DPYD: variants seen among roughly 807,000 people sequenced by gnomAD.
DPYD encodes the protein dihydropyrimidine dehydrogenase.
A neutral mutation model predicts 116.2 loss-of-function variants in DPYD; 109 were observed. The ratio of observed to expected loss-of-function variants is 0.94; its 90% CI spans 0.80 to 1.10. DPYD has a LOEUF of 1.10. DPYD is among the 50% of genes least tolerant of loss of function. The probability of loss-of-function intolerance (pLI) is 0.00; values close to 1 mark genes in which losing one functional copy is unlikely to be tolerated. For missense variants in DPYD, 1,302 were observed against 1,254.5 expected (o/e 1.04, Z -0.57); for synonymous variants, 440 against 432.0 (o/e 1.02, Z -0.23).
intron 7 of DPYD, among the ~76,000 whole-genome samples, chr1:97,680,070 T>C (rs1660354402): frequency 6.6e-6 from 1 of 152,162 alleles, no homozygotes; most frequent in African/African-American, 2.4e-5. Context: ...GACTGAAGTC[T>C]AGTTCACAGT....
chr1:97,593,291 A>G lies in DPYD; in HGVS notation c.1055T>C (p.Leu352Pro), dbSNP rs1654650236. Residue 352 changes from leucine (L) to proline (P), a missense_variant, in exon 10 of 23, where the codon CTA (leucine) becomes CCA (proline). Coordinates refer to ENST00000370192, the MANE Select transcript of DPYD (RefSeq NM_000110.4). ...GAACACACGGCGAGCTCCACAACGT[A>G]GAGCAGATGTTGCACAGTCAAAGGC... ...DTAFDCATSA[L>P]RCGARRVFIV... 6.2e-7 allele frequency: 1 copy of G among 1,614,182 alleles called. No homozygotes were observed. The highest frequency in any genetic ancestry group is 2.2e-5 in the East Asian group (1 of 44,870).
chr1:97,724,605 C>G (rs887957358), intron 4 of DPYD, among the ~76,000 whole-genome samples: 4 of 151,358 alleles, frequency 2.6e-5, no homozygotes, highest in Non-Finnish European at 5.9e-5. Flanking sequence ...CAGGGTAGAG[C>G]TAGCATTTTG....
At chr1:97,668,809 T>C (rs191388048) in intron 8 of DPYD, among the ~76,000 whole-genome samples, 152 of 152,096 alleles carry the variant, frequency 1.0e-3, no homozygotes, top group Non-Finnish European at 1.7e-3. Flanking sequence ...AAAATATAAA[T>C]GATAAGGCTC....
intron 8 of DPYD, among the ~76,000 whole-genome samples, chr1:97,678,413 G>A (rs569290143): frequency 1.2e-4 from 19 of 152,174 alleles, no homozygotes; most frequent in African/African-American, 2.6e-4. Flanking sequence ...TTTATATGCC[G>A]TAATTGCCCA....
At chr1:97,706,648 T>C (rs1292093119) in intron 5 of DPYD, among the ~76,000 whole-genome samples, 2 of 152,114 alleles carry the variant, frequency 1.3e-5, no homozygotes, top group East Asian at 1.9e-4. Context: ...TTCTTTCATT[T>C]AGTAACATAT....
intron 14 of DPYD, among the ~76,000 whole-genome samples, chr1:97,442,456 T>C (rs1675849801): frequency 6.6e-6 from 1 of 151,396 alleles, no homozygotes; most frequent in Non-Finnish European, 1.5e-5. Context: ...CACAGAACTG[T>C]GAGCCATATT....
intron 13 of DPYD, among the ~76,000 whole-genome samples, chr1:97,467,024 C>T (rs906924438): frequency 6.6e-6 from 1 of 152,070 alleles, no homozygotes; most frequent in Non-Finnish European, 1.5e-5. Flanking sequence ...ACCTAGCTAG[C>T]CTTGAGAAGT....
rs377414456 is a variant in DPYD, at chr1:97,777,679, C to T, written c.234-37200G>A. 5.3e-5 allele frequency among the ~76,000 whole-genome samples: 8 copies of T among 152,178 alleles called. No individual in the cohort carries two copies. The East Asian group carries it at 5.8e-4, about 11-fold the overall frequency. ...CTGGGTCCTAGTAACCTCCTCCATGCACATAATATTGGTAGGAAATTTAAA... is the reference window on the plus strand; with the variant it reads ...CTGGGTCCTAGTAACCTCCTCCATGTACATAATATTGGTAGGAAATTTAAA... On this transcript the variant is annotated intron_variant, in intron 3 of 22. Transcript: ENST00000370192.
At chr1:97,457,157 A>G (rs1290133302) in intron 13 of DPYD, among the ~76,000 whole-genome samples, 1 of 151,546 alleles carries the variant, frequency 6.6e-6, no homozygotes, top group Admixed American at 6.6e-5. Flanking sequence ...AATGAATAAG[A>G]AAAAATGTAC....
At chr1:97,714,370 A>C (rs1662481112) in intron 5 of DPYD, among the ~76,000 whole-genome samples, 1 of 151,836 alleles carries the variant, frequency 6.6e-6, no homozygotes, top group Non-Finnish European at 1.5e-5. Flanking sequence ...ACACCACCAC[A>C]GCTGGCTAAT....
chr1:97,155,588 CTGA>C (rs1471612076), intron 20 of DPYD, among the ~76,000 whole-genome samples: 2 of 152,156 alleles, frequency 1.3e-5, no homozygotes, highest in African/African-American at 4.8e-5. Context: ...CCTAGGTCTC[CTGA>C]TAATACTGCT....
chr1:97,339,862 G>GA (rs1669506085), intron 16 of DPYD, among the ~76,000 whole-genome samples: 1 of 152,108 alleles, frequency 6.6e-6, no homozygotes, highest in Admixed American at 6.6e-5. Context: ...CAGCTACTCA[G>GA]AAAAATCCAA....
At chr1:97,538,150 G>A (rs779832393) in intron 12 of DPYD, among the ~76,000 whole-genome samples, 43 of 151,688 alleles carry the variant, frequency 2.8e-4, no homozygotes, top group Non-Finnish European at 4.7e-4. Context: ...CCCAAATCAC[G>A]GCATAAACCT....
intron 20 of DPYD, among the ~76,000 whole-genome samples, chr1:97,101,629 T>C (rs1331748860): frequency 2.6e-5 from 4 of 151,998 alleles, no homozygotes; most frequent in Non-Finnish European, 5.9e-5. Context: ...CCTGAACATA[T>C]AGTTAATTGA....
chr1:97,778,377 T>C (rs1666544540), intron 3 of DPYD, among the ~76,000 whole-genome samples: 2 of 152,008 alleles, frequency 1.3e-5, no homozygotes, highest in African/African-American at 4.8e-5. Context: ...ATATTATCTC[T>C]AAATTATTAA....
At chr1:97,547,308 CAGA>C (rs1158886773) in intron 12 of DPYD, among the ~76,000 whole-genome samples, 1 of 152,052 alleles carries the variant, frequency 6.6e-6, no homozygotes, top group African/African-American at 2.4e-5. Context: ...GCAGGAAATG[CAGA>C]AGGAGGCAAA....
chr1:97,497,053 TC>T (rs1679305942), intron 13 of DPYD, among the ~76,000 whole-genome samples: 1 of 151,928 alleles, frequency 6.6e-6, no homozygotes, highest in Non-Finnish European at 1.5e-5. Context: ...CTCAGGCAAG[TC>T]TTTTTTTAAC....
intron 2 of DPYD, among the ~76,000 whole-genome samples, chr1:97,829,924 G>T (rs1258475296): frequency 3.3e-5 from 5 of 151,064 alleles, no homozygotes; most frequent in African/African-American, 4.9e-5. Flanking sequence ...ACAGGCTCCA[G>T]TGTGGGATGT....
chr1:97,417,211 C>T (rs1019358251), intron 14 of DPYD, among the ~76,000 whole-genome samples: 1 of 152,140 alleles, frequency 6.6e-6, no homozygotes, highest in African/African-American at 2.4e-5. Flanking sequence ...GACCCTCAGT[C>T]TCTTCAGCTG....
Sources: gnomAD v4.1 joint callset for allele counts (sites outside exome capture counted in the v4.1 genomes callset) on GRCh38, gnomAD v4.1.1 for gene constraint, MANE v1.5 for transcripts, NCBI Gene and HGNC (gene_info 2026-07-23, HGNC 2026-07-21) for gene names.